Variants in SLC8A1 observed in about 807,000 individuals in gnomAD.
The protein encoded by SLC8A1 is solute carrier family 8 member A1.
Under a neutral mutation model 68.3 loss-of-function variants are expected in SLC8A1, and 18 were observed. The ratio of observed to expected loss-of-function variants is 0.26; its 90% CI spans 0.18 to 0.39. The LOEUF (loss-of-function observed/expected upper bound fraction) is 0.39, where lower values mean the gene tolerates loss of function less well. Among genes scored for constraint, SLC8A1 ranks in the 10% least tolerant of loss-of-function variants. The pLI, the probability that SLC8A1 is intolerant of heterozygous loss-of-function variation, is 1.00. For synonymous variants in SLC8A1, 475 were observed against 415.5 expected, an observed-to-expected ratio of 1.14 and a Z score of -1.74; for missense variants, 985 against 1,156.7, an observed-to-expected ratio of 0.85 and a Z score of 2.15.
At chr2:40,261,055 C>T (rs988039621) in intron 2 of SLC8A1, among the ~76,000 whole-genome samples, 4 of 152,158 alleles carry the variant, frequency 2.6e-5, no homozygotes, top group Non-Finnish European at 4.4e-5. Flanking sequence ...ATGTTAAATG[C>T]ATGATGGAAG....
intron 2 of SLC8A1, among the ~76,000 whole-genome samples, chr2:40,239,789 G>C (rs2060961655): frequency 6.6e-6 from 1 of 152,198 alleles, no homozygotes; most frequent in Non-Finnish European, 1.5e-5. Flanking sequence ...CATTGTTACA[G>C]GAGTGAAGTA....
intron 2 of SLC8A1, among the ~76,000 whole-genome samples, chr2:40,346,823 A>G (rs1669502789): frequency 6.6e-6 from 1 of 152,200 alleles, no homozygotes; most frequent in African/African-American, 2.4e-5. Flanking sequence ...CTAGTTTGGA[A>G]TAATTTTAAA....
At chr2:40,492,723 A>G (rs893371507) in intron 1 of SLC8A1, among the ~76,000 whole-genome samples, 6 of 149,640 alleles carry the variant, frequency 4.0e-5, no homozygotes, top group African/African-American at 1.5e-4. Context: ...ACATTTATGC[A>G]GCCAAAAAAC....
At chr2:40,215,809 T>G (rs2057382952) in intron 2 of SLC8A1, among the ~76,000 whole-genome samples, 1 of 152,090 alleles carries the variant, frequency 6.6e-6, no homozygotes, top group South Asian at 2.1e-4. Flanking sequence ...CTACTATTAT[T>G]ATTATTACCT....
chr2:40,322,320 A>G (rs1002575910), intron 2 of SLC8A1, among the ~76,000 whole-genome samples: 2 of 151,890 alleles, frequency 1.3e-5, no homozygotes, highest in African/African-American at 4.8e-5. Flanking sequence ...GGTAATCCAT[A>G]TATAATTTTT....
chr2:40,429,112 G>A (rs1315931415), exon 2 of SLC8A1: 1 of 1,613,058 alleles, frequency 6.2e-7, no homozygotes, highest in South Asian at 1.1e-5. Flanking sequence ...CATGCTGACA[G>A]CCTTCCTTGC....
At chr2:40,283,358 A>C (rs1019792511) in intron 2 of SLC8A1, among the ~76,000 whole-genome samples, 1 of 152,186 alleles carries the variant, frequency 6.6e-6, no homozygotes, top group African/African-American at 2.4e-5. Context: ...AAATGGTAAA[A>C]CATCTGGATC....
chr2:40,225,616 A>T (rs1408422065), intron 2 of SLC8A1, among the ~76,000 whole-genome samples: 1 of 152,148 alleles, frequency 6.6e-6, no homozygotes, highest in East Asian at 1.9e-4. Flanking sequence ...AGGGCTCACG[A>T]TGGAAATCAG....
At chr2:40,329,409 T>G (rs140208350) in intron 2 of SLC8A1, among the ~76,000 whole-genome samples, 1 of 152,346 alleles carries the variant, frequency 6.6e-6, no homozygotes, top group Non-Finnish European at 1.5e-5. Flanking sequence ...CAAGTGTGTT[T>G]AAATTTTTTA....
chr2:40,099,296 T>C (rs1293130491), exon 8 of SLC8A1: 5 of 152,030 alleles, frequency 3.3e-5, no homozygotes, highest in Non-Finnish European at 7.4e-5. Flanking sequence ...CCATTATGTG[T>C]GTGTGTCTGT....
At chr2:40,346,107 G>A (rs1228348116) in intron 2 of SLC8A1, among the ~76,000 whole-genome samples, 1 of 145,504 alleles carries the variant, frequency 6.9e-6, no homozygotes, top group African/African-American at 2.5e-5. Flanking sequence ...CAAGTTTCCT[G>A]TGGTCCCCTC....
chr2:40,130,222 T>A (rs977269137), intron 7 of SLC8A1, among the ~76,000 whole-genome samples: 1 of 152,248 alleles, frequency 6.6e-6, no homozygotes, highest in African/African-American at 2.4e-5. Flanking sequence ...GTCGGCTGCA[T>A]GCGGCCTATT....
chr2:40,201,355 C>T (rs1052581578), intron 2 of SLC8A1, among the ~76,000 whole-genome samples: 1 of 151,828 alleles, frequency 6.6e-6, no homozygotes. Flanking sequence ...AAAACCAAAA[C>T]AAAATTCAAT....
intron 2 of SLC8A1, among the ~76,000 whole-genome samples, chr2:40,343,430 T>A (rs1331263440): frequency 1.3e-5 from 2 of 152,184 alleles, no homozygotes; most frequent in African/African-American, 2.4e-5. Context: ...AATTCTAACA[T>A]CCTATTATCA....
intron 2 of SLC8A1, among the ~76,000 whole-genome samples, chr2:40,290,700 C>G (rs925010474): frequency 2.0e-5 from 3 of 152,126 alleles, no homozygotes; most frequent in African/African-American, 7.2e-5. Context: ...TGTTAGTCAA[C>G]AGGATTTGAA....
chr2:40,162,548 T>C (rs2045868135), intron 5 of SLC8A1, among the ~76,000 whole-genome samples: 1 of 152,092 alleles, frequency 6.6e-6, no homozygotes, highest in Admixed American at 6.5e-5. Flanking sequence ...CTTCTGTGTG[T>C]AAAACTCAGG....
intron 2 of SLC8A1, among the ~76,000 whole-genome samples, chr2:40,375,530 A>G (rs1196448733): frequency 1.3e-5 from 2 of 152,116 alleles, no homozygotes; most frequent in African/African-American, 4.8e-5. Context: ...AATACCATAA[A>G]GTCCTCATTA....
chr2:40,242,148 G>C (rs532313163), intron 2 of SLC8A1, among the ~76,000 whole-genome samples: 1 of 151,528 alleles, frequency 6.6e-6, no homozygotes, highest in Non-Finnish European at 1.5e-5. Context: ...GTGTGTGTGC[G>C]TGTGTGTGTG....
rs534641993 is a variant in SLC8A1, at chr2:40,245,771, G to A, written c.1809-67916C>T. Among the ~76,000 whole-genome samples the A allele has an allele frequency of 6.2e-4, 94 of 152,076 alleles. 1 individual carries two copies. Among genetic ancestry groups the A allele is most frequent in the African/African-American group, 1.8e-3 (73 of 41,468 alleles). ...AAAAACACATTTTAAAACCAAGACA[G>A]ATATCTCAAGATAGACATCATGTTC... On this transcript the variant is annotated intron_variant, in intron 2 of 7. Coordinates refer to ENST00000406785, the Ensembl canonical transcript of SLC8A1.
Sources: allele counts gnomAD v4.1 joint callset (sites outside exome capture counted in the v4.1 genomes callset), GRCh38; gene constraint gnomAD v4.1.1; transcripts MANE v1.5; gene names NCBI Gene and HGNC (gene_info 2026-07-23, HGNC 2026-07-21).